The following NBN variants were observed in gnomAD, a reference collection of about 807,000 sequenced individuals.
NBN encodes Nijmegen breakage syndrome 1 (nibrin).
In NBN, 88 loss-of-function variants were observed where a neutral mutation model predicts 90.8. The ratio of observed to expected loss-of-function variants is 0.97; its 90% CI spans 0.82 to 1.16. NBN has a LOEUF of 1.16. Among genes scored for constraint, NBN ranks in the 50% most tolerant of loss-of-function variants. The probability of loss-of-function intolerance (pLI) is 0.00; values close to 1 mark genes in which losing one functional copy is unlikely to be tolerated. For synonymous variants in NBN, 328 were observed against 295.1 expected (o/e 1.11, Z -1.14); for missense variants, 894 against 869.6 (o/e 1.03, Z -0.35).
chr8:89,947,349 G>A (rs1290391813), intron 12 of NBN, among the ~76,000 whole-genome samples: 1 of 152,080 alleles, frequency 6.6e-6, no homozygotes, highest in Non-Finnish European at 1.5e-5. Flanking sequence ...ATCTATCCAG[G>A]CCGTGCATGG....
chr8:89,981,466 A>G lies in NBN; in HGVS notation c.229T>C (p.Phe77Leu), dbSNP rs1812062020. 1 of 1,613,666 alleles carries G rather than the reference A, an allele frequency of 6.2e-7. No individual in the cohort carries two copies. The highest frequency in any genetic ancestry group is 1.3e-5 in the African/African-American group (1 of 74,924). ...TLKDNSKYGTFVNEEKMQNGF... is the reference protein window; with the variant it reads ...TLKDNSKYGTLVNEEKMQNGF... ...TTCTGCATTTTTTCCTCATTAACAAAGGTACCATACTTAGAATTATCTTTT... is the reference window on the plus strand; with the variant it reads ...TTCTGCATTTTTTCCTCATTAACAAGGGTACCATACTTAGAATTATCTTTT... The change falls in exon 3 of 16, where the codon TTT becomes CTT. Residue 77 changes from phenylalanine (F) to leucine (L), a missense_variant. Phe to Leu is a conservative substitution (Grantham distance 22, BLOSUM62 0). Transcript: ENST00000265433.
intron 6 of NBN, 124 bp from the exon 7 acceptor site, chr8:89,970,681 A>G (rs1811474652): frequency 1.1e-6 from 1 of 928,876 alleles, no homozygotes; most frequent in Non-Finnish European, 1.7e-6. Context: ...TGAGTAGGTC[A>G]TTTCAGCTTC....
Position 89,971,166 on chromosome 8 carries a change from T to C in NBN, c.702+7A>G, listed in dbSNP as rs864622602. On this transcript the variant is annotated splice_region_variant and intron_variant, in intron 6 of 15. Coordinates refer to ENST00000265433, the MANE Select transcript of NBN (RefSeq NM_002485.5). ...CTTTAGGAAAATTTAGCTTATAACATAATTACCTGTTTGGCATTCAAAAAT... is the reference window on the plus strand; with the variant it reads ...CTTTAGGAAAATTTAGCTTATAACACAATTACCTGTTTGGCATTCAAAAAT... 1 of 1,611,176 alleles carries C rather than the reference T, an allele frequency of 6.2e-7. No individual in the cohort carries two copies. The highest frequency in any genetic ancestry group is 2.2e-5 in the East Asian group (1 of 44,718).
At chr8:89,966,126 G>A (rs1224580780) in intron 7 of NBN, among the ~76,000 whole-genome samples, 1 of 152,068 alleles carries the variant, frequency 6.6e-6, no homozygotes, top group African/African-American at 2.4e-5. Context: ...GAGAAACACT[G>A]GAAGCATTTA....
Position 89,984,568 on chromosome 8 carries a change from G to T in NBN, c.-7C>A, listed in dbSNP as rs1210776869. The T allele has an allele frequency of 1.2e-6, 2 of 1,612,894 alleles. No homozygotes were observed. Among genetic ancestry groups the T allele is most frequent in the Admixed American group, 3.3e-5 (2 of 60,016 alleles). On this transcript the variant is annotated 5_prime_UTR_variant, in exon 1 of 16. Coordinates refer to ENST00000265433, the MANE Select transcript of NBN (RefSeq NM_002485.5). Reference sequence around the variant, plus strand: ...CGGGCAGCAGTTTCCACATCGGTCCGGCTCCTCAGGGCTGGGGCCGACGTG... The same window carrying T: ...CGGGCAGCAGTTTCCACATCGGTCCTGCTCCTCAGGGCTGGGGCCGACGTG...
chr8:89,984,456 C>T, intron 1 of NBN, 69 bp downstream of exon 1: 3 of 1,460,610 alleles, frequency 2.1e-6, no homozygotes, highest in Non-Finnish European at 2.9e-6. Context: ...GCAGGAATCA[C>T]CCGCAGGCCC....
intron 8 of NBN, among the ~76,000 whole-genome samples, chr8:89,959,997 G>A (rs920529532): frequency 1.2e-4 from 18 of 152,066 alleles, no homozygotes; most frequent in Admixed American, 8.5e-4. Flanking sequence ...TTGTTAGACT[G>A]GTGTATCCTT....
At chr8:89,970,030 C>T (rs890693600) in intron 7 of NBN, among the ~76,000 whole-genome samples, 1 of 151,762 alleles carries the variant, frequency 6.6e-6, no homozygotes, top group African/African-American at 2.4e-5. Context: ...AGGAGGATCA[C>T]CTGAGGTCAG....
At chr8:89,960,090 T>C (rs1037281553) in intron 8 of NBN, among the ~76,000 whole-genome samples, 26 of 152,292 alleles carry the variant, frequency 1.7e-4, no homozygotes, top group African/African-American at 6.3e-4. Context: ...TAAAAAAAGT[T>C]TACACTATTA....
chr8:89,971,106 A>G, intron 6 of NBN, 67 bp downstream of exon 6: 1 of 1,496,296 alleles, frequency 6.7e-7, no homozygotes, highest in Non-Finnish European at 9.2e-7. Flanking sequence ...AACTACTGAT[A>G]AGAGTTAATA....
rs532741222 is a variant in NBN, at chr8:89,984,615, T to C, written c.-54A>G. ...CGTGCAACCGCGTAACCGGGGCTGC[T>C]AGACGAGCGCGGATACGGCGCCTGC... On this transcript the variant is annotated 5_prime_UTR_variant, in exon 1 of 16. It removes the in-frame stop codon of an upstream open reading frame in the 5' UTR. Transcript: ENST00000265433. The C allele has an allele frequency of 2.5e-6, 4 of 1,605,124 alleles. No individual in the cohort carries two copies. The highest frequency in any genetic ancestry group is 4.5e-5 in the East Asian group (2 of 44,460).
chr8:89,936,087 CTTTTTTT>C (rs35393048), intron 15 of NBN: 13 of 280,550 alleles, frequency 4.6e-5, no homozygotes, highest in South Asian at 8.1e-5. Flanking sequence ...TCTGTCAACA[CTTTTTTT>C]TTTTTTTTTT....
intron 10 of NBN, among the ~76,000 whole-genome samples, chr8:89,954,850 G>A (rs1810621758): frequency 6.6e-6 from 1 of 151,704 alleles, no homozygotes; most frequent in South Asian, 2.1e-4. Flanking sequence ...GTCAAGAGAA[G>A]GTTTTCAAAA....
In NBN at chr8:89,958,772, G is replaced by A. The variant is rs2129745426; in HGVS notation, c.1077C>T (p.Asn359=). 1 of 1,614,132 alleles carries A rather than the reference G, an allele frequency of 6.2e-7. No homozygotes were observed. Among genetic ancestry groups the A allele is most frequent in the Non-Finnish European group, 8.5e-7 (1 of 1,179,984 alleles). The part of the protein sequence containing the change: ...DEKLMPSAPV[N]TTTYVADTES... ...CTGTGTCAGCTACGTATGTTGTAGTGTTCACTGGGGCGCTTGGCATTAGTT... is the reference window on the plus strand; with the variant it reads ...CTGTGTCAGCTACGTATGTTGTAGTATTCACTGGGGCGCTTGGCATTAGTT... Residue 359 remains asparagine (N), a synonymous_variant, in exon 9 of 16, where the codon AAC becomes AAT. Coordinates refer to ENST00000265433, the MANE Select transcript of NBN (RefSeq NM_002485.5).
At chr8:89,965,202 A>G (rs934844441) in intron 7 of NBN, among the ~76,000 whole-genome samples, 2 of 152,184 alleles carry the variant, frequency 1.3e-5, no homozygotes, top group South Asian at 2.1e-4. Context: ...CAAAGAGAAG[A>G]AAAAAAGAAG....
At chr8:89,973,796 G>C (rs568903346) in intron 5 of NBN, among the ~76,000 whole-genome samples, 6 of 152,194 alleles carry the variant, frequency 3.9e-5, no homozygotes, top group Admixed American at 2.0e-4. Flanking sequence ...CAGAGACCTA[G>C]GCTAGAGGCA....
chr8:89,950,591 A>G (rs999229921), intron 11 of NBN, among the ~76,000 whole-genome samples: 1 of 152,174 alleles, frequency 6.6e-6, no homozygotes, highest in Non-Finnish European at 1.5e-5. Flanking sequence ...CTACAACAAC[A>G]TATTTTGTAC....
chr8:89,964,178 A>C (rs987733013), intron 8 of NBN, among the ~76,000 whole-genome samples: 10 of 152,232 alleles, frequency 6.6e-5, no homozygotes, highest in Non-Finnish European at 7.3e-5. Flanking sequence ...TCTTCAGAAC[A>C]TAAAGTTTAT....
At chr8:89,948,703 C>T (rs977402732) in intron 11 of NBN, among the ~76,000 whole-genome samples, 121 of 152,192 alleles carry the variant, frequency 8.0e-4, no homozygotes, top group African/African-American at 2.8e-3. Flanking sequence ...TTTGTGCTTC[C>T]CCACAGAGTA....
Sources: gnomAD v4.1 joint callset for allele counts (sites outside exome capture counted in the v4.1 genomes callset) on GRCh38, gnomAD v4.1.1 for gene constraint, MANE v1.5 for transcripts, NCBI Gene and HGNC (gene_info 2026-07-23, HGNC 2026-07-21) for gene names.